CCDC178: variants seen among roughly 807,000 people sequenced by gnomAD.
The protein encoded by CCDC178 is coiled-coil domain containing 178, also known as coiled-coil domain-containing protein 178.
A neutral mutation model predicts 117.4 loss-of-function variants in CCDC178; 126 were observed. The ratio of observed to expected loss-of-function variants is 1.07; its 90% CI spans 0.93 to 1.24. The LOEUF is 1.24. Among genes scored for constraint, CCDC178 ranks in the 50% most tolerant of loss-of-function variants. CCDC178 has a pLI of 0.00. For synonymous variants in CCDC178, 283 were observed against 313.4 expected (o/e 0.90, Z 1.02); for missense variants, 1,030 against 986.9 (o/e 1.04, Z -0.59).
chr18:33,255,686 A>C (rs1437422887), intron 14 of CCDC178, among the ~76,000 whole-genome samples: 4 of 151,964 alleles, frequency 2.6e-5, no homozygotes, highest in Non-Finnish European at 4.4e-5. Context: ...GAGAATGTCA[A>C]GTGAGATTAA....
At chr18:33,387,387 C>T (rs2063507326) in intron 5 of CCDC178, among the ~76,000 whole-genome samples, 1 of 152,082 alleles carries the variant, frequency 6.6e-6, no homozygotes, top group Non-Finnish European at 1.5e-5. Context: ...CAAAAAAAAG[C>T]TCACATAGCC....
At chr18:33,340,231 C>T (rs546289850) in intron 9 of CCDC178, among the ~76,000 whole-genome samples, 1 of 151,942 alleles carries the variant, frequency 6.6e-6, no homozygotes, top group Admixed American at 6.6e-5. Flanking sequence ...TGCCCCTGCC[C>T]CAGAGATATA....
chr18:33,065,343 T>C (rs745501534), intron 21 of CCDC178, among the ~76,000 whole-genome samples: 7 of 152,284 alleles, frequency 4.6e-5, no homozygotes, highest in Non-Finnish European at 7.4e-5. Flanking sequence ...TATTGAAACA[T>C]CAAATTATAC....
chr18:32,970,138 G>T (rs1317053101), intron 22 of CCDC178, among the ~76,000 whole-genome samples: 1 of 151,866 alleles, frequency 6.6e-6, no homozygotes, highest in East Asian at 1.9e-4. Context: ...CATATAAAGG[G>T]CTTCAAAGTC....
At chr18:33,172,925 G>A (rs979884709) in intron 20 of CCDC178, among the ~76,000 whole-genome samples, 3 of 152,056 alleles carry the variant, frequency 2.0e-5, no homozygotes, top group African/African-American at 4.8e-5. Context: ...TATCCTTCCT[G>A]TATCATAATT....
At chr18:33,020,377 G>A (rs1382903614) in intron 21 of CCDC178, among the ~76,000 whole-genome samples, 2 of 152,160 alleles carry the variant, frequency 1.3e-5, no homozygotes, top group East Asian at 3.9e-4. Flanking sequence ...TTTCTTAGCT[G>A]ACAAACGATT....
intron 20 of CCDC178, among the ~76,000 whole-genome samples, chr18:33,153,744 A>G (rs1704090847): frequency 6.6e-6 from 1 of 152,090 alleles, no homozygotes; most frequent in African/African-American, 2.4e-5. Flanking sequence ...ATGTTCTTCA[A>G]TAAAATAATT....
At chr18:33,370,751 C>T (rs906849887) in intron 5 of CCDC178, among the ~76,000 whole-genome samples, 9 of 151,948 alleles carry the variant, frequency 5.9e-5, no homozygotes, top group Admixed American at 5.9e-4. Context: ...ATTGGAGTCT[C>T]ATACGAAGAG....
chr18:33,245,295 T>C lies in CCDC178; in HGVS notation c.1543A>G (p.Lys515Glu), dbSNP rs756955640. 1.2e-6 allele frequency: 2 copies of C among 1,604,454 alleles called. No individual in the cohort carries two copies. Among genetic ancestry groups the C allele is most frequent in the African/African-American group, 2.7e-5 (2 of 74,454 alleles). The change falls in exon 15 of 23, where the codon AAG becomes GAG. Residue 515 changes from lysine to glutamate, a missense_variant. Coordinates refer to ENST00000383096, the MANE Select transcript of CCDC178 (RefSeq NM_001105528.4). ...ATTTTATCTTCCATTTCATCTGTCT[T>C]GTGTTTGGTTAGGTGGAAAAGAGTA... ...IGTLFHLTKHKTDEMEDKIAE... is the reference protein window; with the variant it reads ...IGTLFHLTKHETDEMEDKIAE...
rs571220660 is a variant in CCDC178 at position 33,417,723 on chromosome 18, T to C, written c.-22-5613A>G. On this transcript the variant is annotated intron_variant, in intron 2 of 22. Coordinates refer to ENST00000383096, the MANE Select transcript of CCDC178 (RefSeq NM_001105528.4). ...TTGAAGGGAGCACAGGACTTTCCTG[T>C]GTATTTCTAAGCAATTTCCTATAAA... is the stretch of plus-strand genomic sequence containing the variant. 2.6e-5 allele frequency among the ~76,000 whole-genome samples: 4 copies of C among 152,320 alleles called. 1 individual carries two copies. In the South Asian group the frequency reaches 8.3e-4, roughly 32 times the overall value.
intron 6 of CCDC178, among the ~76,000 whole-genome samples, chr18:33,362,177 A>G (rs983480715): frequency 7.7e-5 from 3 of 38,766 alleles, no homozygotes; most frequent in Admixed American, 4.5e-4. Flanking sequence ...GTATGTCTGT[A>G]TGTATATATA....
chr18:33,014,674 A>C (rs1349741284), intron 21 of CCDC178, among the ~76,000 whole-genome samples: 1 of 152,232 alleles, frequency 6.6e-6, no homozygotes. Context: ...GTCCACTGAC[A>C]ACATCTGGGA....
intron 7 of CCDC178, among the ~76,000 whole-genome samples, chr18:33,353,735 C>T (rs923553026): frequency 1.3e-5 from 2 of 151,994 alleles, no homozygotes; most frequent in Non-Finnish European, 2.9e-5. Context: ...ACATAGTTAT[C>T]CATTTTGTGT....
At chr18:33,092,529 T>C (rs753509009) in intron 21 of CCDC178, among the ~76,000 whole-genome samples, 23 of 152,222 alleles carry the variant, frequency 1.5e-4, no homozygotes, top group Admixed American at 6.5e-4. Context: ...TTAATCAAAA[T>C]CAAATTACTA....
chr18:33,389,640 GA>G lies in CCDC178; in HGVS notation c.119-12del, dbSNP rs757185592. On this transcript the variant is annotated splice_polypyrimidine_tract_variant and intron_variant, in intron 4 of 22. Transcript: ENST00000383096. ...GAGACATGGCATTGCCTTTTAAAAA[GA>G]AAAAATACATATTTTAGTGAGTAGT... The G allele has an allele frequency of 1.4e-6, 2 of 1,382,062 alleles. No homozygotes were observed. Among genetic ancestry groups the G allele is most frequent in the East Asian group, 2.6e-5 (1 of 39,202 alleles). The allele number at this position is 1,382,062 out of a possible 1,614,324, so 85.6% of individuals were successfully genotyped here.
At chr18:33,156,082 CTTTTTTTTTT>C (rs755685926) in intron 20 of CCDC178, among the ~76,000 whole-genome samples, 4 of 98,038 alleles carry the variant, frequency 4.1e-5, no homozygotes, top group African/African-American at 4.1e-5. Flanking sequence ...CTAGAAAACA[CTTTTTTTTTT>C]TTTTTTTTTT....
chr18:33,156,616 A>G (rs1307801563), intron 20 of CCDC178, among the ~76,000 whole-genome samples: 3 of 115,162 alleles, frequency 2.6e-5, no homozygotes, highest in African/African-American at 6.8e-5. Flanking sequence ...TTCTCCTATC[A>G]TTTTTGCTTC....
chr18:33,175,215 G>C (rs1036048479), intron 20 of CCDC178, among the ~76,000 whole-genome samples: 2 of 151,916 alleles, frequency 1.3e-5, no homozygotes, highest in African/African-American at 4.8e-5. Context: ...CTTATGTATT[G>C]ATGAGAATAG....
At chr18:33,179,118 A>ATATATATAAACTATATATATATAAAC (rs1568037132) in intron 20 of CCDC178, among the ~76,000 whole-genome samples, 2 of 104,404 alleles carry the variant, frequency 1.9e-5, no homozygotes, top group African/African-American at 6.7e-5. Flanking sequence ...TAAACTATAT[A>ATATATATAAACTATATATATATAAAC]TATATATATA....
Sources: allele counts gnomAD v4.1 joint callset (sites outside exome capture counted in the v4.1 genomes callset), GRCh38; gene constraint gnomAD v4.1.1; transcripts MANE v1.5; gene names NCBI Gene and HGNC (gene_info 2026-07-23, HGNC 2026-07-21).